FNDC9: variants seen among roughly 807,000 people sequenced by gnomAD.
FNDC9 encodes the protein fibronectin type III domain-containing protein 9.
In FNDC9, 3 loss-of-function variants were observed where a neutral mutation model predicts 9.0. That is an observed-to-expected ratio of 0.33 (90% CI 0.15 to 0.86). The LOEUF is 0.86. Ranked by LOEUF, FNDC9 falls within the 40% of genes least tolerant of loss-of-function variation. The pLI is 0.53. For synonymous variants in FNDC9, 114 were observed against 115.6 expected (o/e 0.99, Z 0.09); for missense variants, 279 against 287.2 (o/e 0.97, Z 0.21).
chr5:157,342,864 AT>A lies in FNDC9; in HGVS notation c.672del (p.Glu224AspfsTer12). On this transcript the variant is annotated frameshift_variant, in exon 2 of 2. Transcript: ENST00000312349. LOFTEE classifies it high-confidence loss of function. ...DPPAILPHCG[E>X] ...TGCGGGCGCTCTCCTCCCCACTCTC[AT>A]TCCCCACAATGAGGCAGTATAGCGG... The A allele has an allele frequency of 6.2e-7, 1 of 1,609,334 alleles. No homozygotes were observed. The highest frequency in any genetic ancestry group is 1.1e-5 in the South Asian group (1 of 90,554).
chr5:157,342,705 G>A lies in FNDC9; in HGVS notation c.*157C>T, dbSNP rs757399620. 105 of 703,736 alleles carry A rather than the reference G, an allele frequency of 1.5e-4. No homozygotes were observed. The highest frequency in any genetic ancestry group is 2.1e-4 in the Non-Finnish European group (96 of 446,702). The allele number at this position is 703,736 out of a possible 1,614,324, so 43.6% of individuals were successfully genotyped here. A position where few individuals can be genotyped will look rare whatever the true frequency, so the allele number is the denominator to read the frequency against. On this transcript the variant is annotated 3_prime_UTR_variant, in exon 2 of 2. Coordinates refer to ENST00000312349, the MANE Select transcript of FNDC9 (RefSeq NM_001001343.4). ...CTGGGGGATACATTTTCCAGCTTGA[G>A]AAGCTTTGTCATGGGGCATTCATCC...
At position 157,342,609 on chromosome 5, in the gene FNDC9, C is replaced by T. The variant is rs73815844; in HGVS notation, c.*253G>A. 1,525 of 417,666 alleles carry T rather than the reference C, an allele frequency of 3.7e-3. 27 individuals carry two copies. Among genetic ancestry groups the T allele is most frequent in the African/African-American group, 0.028 (1,407 of 50,766 alleles). 25.9% of individuals were successfully genotyped at this position (417,666 alleles called of 1,614,324 possible). On this transcript the variant is annotated 3_prime_UTR_variant, in exon 2 of 2. Coordinates refer to ENST00000312349, the MANE Select transcript of FNDC9 (RefSeq NM_001001343.4). ...TGTTTGTTTTAATGTTAAAACAATGCTTTCAATTCTTAACTGTGTCCTCCG... is the reference window on the plus strand; with the variant it reads ...TGTTTGTTTTAATGTTAAAACAATGTTTTCAATTCTTAACTGTGTCCTCCG...
In FNDC9 at chr5:157,342,720, G is replaced by T; in HGVS notation, c.*142C>A. Reference sequence around the variant, plus strand: ...TCCAGCTTGAGAAGCTTTGTCATGGGGCATTCATCCAACCCAGGTGACCTA... The same window carrying T: ...TCCAGCTTGAGAAGCTTTGTCATGGTGCATTCATCCAACCCAGGTGACCTA... On this transcript the variant is annotated 3_prime_UTR_variant, in exon 2 of 2. Transcript: ENST00000312349. 1 of 804,156 alleles carries T rather than the reference G, an allele frequency of 1.2e-6. No homozygotes were observed. The highest frequency in any genetic ancestry group is 1.9e-6 in the Non-Finnish European group (1 of 530,042). The allele number at this position is 804,156 out of a possible 1,614,324, so 49.8% of individuals were successfully genotyped here.
chr5:157,343,614 C>G (rs528021109), intron 1 of FNDC9, 71 bp from the exon 2 acceptor site: 2 of 1,213,438 alleles, frequency 1.6e-6, no homozygotes, highest in Admixed American at 2.7e-5. Flanking sequence ...TCATAGCCAC[C>G]ATTTATTGCA....
In FNDC9 at chr5:157,344,377, C is replaced by G. The variant is rs182566007; in HGVS notation, c.-7-834G>C. 7.9e-5 allele frequency among the ~76,000 whole-genome samples: 12 copies of G among 152,278 alleles called. No homozygotes were observed. The East Asian group carries it at 2.3e-3, about 29-fold the overall frequency. On this transcript the variant is annotated intron_variant, in intron 1 of 1. Coordinates refer to ENST00000312349, the MANE Select transcript of FNDC9 (RefSeq NM_001001343.4). ...TCCTCTGAGCTAGATTCCCATTTTA[C>G]GGATGAGCAACCTGATGTCACACCG...
chr5:157,343,306 G>A lies in FNDC9; in HGVS notation c.231C>T (p.Ser77=). ...APSTLYFLCI[S]CKKAAFPYRH... is the part of the protein sequence containing the mutation. ...TGTAAGGGAAGGCAGCCTTCTTACAGCTGATGCACAGGAAGTAGAGAGTGG... is the reference window on the plus strand; with the variant it reads ...TGTAAGGGAAGGCAGCCTTCTTACAACTGATGCACAGGAAGTAGAGAGTGG... Residue 77 remains serine (S), a synonymous_variant, in exon 2 of 2, where the codon AGC becomes AGT. Coordinates refer to ENST00000312349, the MANE Select transcript of FNDC9 (RefSeq NM_001001343.4). 2 of 1,614,200 alleles carry A rather than the reference G, an allele frequency of 1.2e-6. No individual in the cohort carries two copies. The highest frequency in any genetic ancestry group is 1.7e-6 in the Non-Finnish European group (2 of 1,180,024).
Position 157,345,564 on chromosome 5 carries a change from T to G in FNDC9, c.-31A>C, listed in dbSNP as rs1355095702. 6.5e-6 allele frequency: 1 copy of G among 152,694 alleles called. No homozygotes were observed. The highest frequency in any genetic ancestry group is 6.5e-5 in the Admixed American group (1 of 15,288). The allele number at this position is 152,694 out of a possible 1,614,324, so 9.5% of individuals were successfully genotyped here. A position where few individuals can be genotyped will look rare whatever the true frequency, so the allele number is the denominator to read the frequency against. On this transcript the variant is annotated 5_prime_UTR_variant, in exon 1 of 2. Transcript: ENST00000312349. Reference sequence around the variant, plus strand: ...ACCTGATGCTTGCAGCGTGTCTGGTTAGAGCTCTGCCCTCCGAGGTGCAGT... The same window carrying G: ...ACCTGATGCTTGCAGCGTGTCTGGTGAGAGCTCTGCCCTCCGAGGTGCAGT...
intron 1 of FNDC9, among the ~76,000 whole-genome samples, chr5:157,344,577 AAG>A (rs1435536937): frequency 6.6e-6 from 1 of 152,194 alleles, no homozygotes; most frequent in Admixed American, 6.5e-5. Flanking sequence ...CCGCTTTGAT[AAG>A]AGAGAGCCAT....
At chr5:157,343,657 T>C in intron 1 of FNDC9, 114 bp from the exon 2 acceptor site, 2 of 837,758 alleles carry the variant, frequency 2.4e-6, no homozygotes, top group East Asian at 5.4e-5. Context: ...TGCCCTCATC[T>C]TACAGACAAA....
intron 1 of FNDC9, among the ~76,000 whole-genome samples, chr5:157,344,161 C>T (rs555860448): frequency 2.2e-4 from 34 of 152,220 alleles, no homozygotes; most frequent in African/African-American, 7.2e-4. Flanking sequence ...TCAAAGCCAG[C>T]GGTACCAGGA....
rs1762445537 is a variant in FNDC9 at position 157,343,447 on chromosome 5, A to G, written c.90T>C (p.Ile30=). The part of the protein sequence containing the change: ...SEPCLEDYYH[I]MYRPNWNSIF... ...TGCTGTTCCAGTTGGGCCTGTACATAATATGGTAATAGTCCTCCAGGCAGG... is the reference window on the plus strand; with the variant it reads ...TGCTGTTCCAGTTGGGCCTGTACATGATATGGTAATAGTCCTCCAGGCAGG... Residue 30 remains isoleucine, a synonymous_variant, in exon 2 of 2, where the codon ATT becomes ATC. Coordinates refer to ENST00000312349, the MANE Select transcript of FNDC9 (RefSeq NM_001001343.4). The G allele has an allele frequency of 6.2e-7, 1 of 1,614,030 alleles. No individual in the cohort carries two copies. The highest frequency in any genetic ancestry group is 8.5e-7 in the Non-Finnish European group (1 of 1,179,914).
At position 157,343,251 on chromosome 5, in the gene FNDC9, C is replaced by T; in HGVS notation, c.286G>A (p.Asp96Asn). 2 of 1,614,188 alleles carry T rather than the reference C, an allele frequency of 1.2e-6. No homozygotes were observed. Among genetic ancestry groups the T allele is most frequent in the Non-Finnish European group, 1.7e-6 (2 of 1,180,026 alleles). ...CTTCCAGGAGCCAGCGGACTCTTAT[C>T]CAGGGTGTGGAACATGGTGCAGTAG... is the stretch of plus-strand genomic sequence containing the variant. ...RHYCTMFHTL[D>N]KSPLAPGSSL... Residue 96 changes from aspartate to asparagine, a missense_variant, in exon 2 of 2, where the codon GAT (aspartate) becomes AAT (asparagine). Asp to Asn is a conservative substitution (Grantham distance 23, BLOSUM62 1). Coordinates refer to ENST00000312349, the MANE Select transcript of FNDC9 (RefSeq NM_001001343.4).
chr5:157,342,911 T>C lies in FNDC9; in HGVS notation c.626A>G (p.Gln209Arg), dbSNP rs926724317. ...AGCGGGTGGGTCACCACCCCCCCTCTGTAAGGCACCCGCATCAGGGGCATC... is the reference window on the plus strand; with the variant it reads ...AGCGGGTGGGTCACCACCCCCCCTCCGTAAGGCACCCGCATCAGGGGCATC... ...NQDAPDAGALQRGGGDPPAIL... is the reference protein window; with the variant it reads ...NQDAPDAGALRRGGGDPPAIL... The change falls in exon 2 of 2, where the codon CAG becomes CGG. Residue 209 changes from glutamine to arginine, a missense_variant. Transcript: ENST00000312349. The C allele has an allele frequency of 1.9e-6, 3 of 1,614,144 alleles. No individual in the cohort carries two copies. Among genetic ancestry groups the C allele is most frequent in the South Asian group, 2.2e-5 (2 of 91,082 alleles).
At position 157,343,515 on chromosome 5, in the gene FNDC9, T is replaced by C. The variant is rs773024800; in HGVS notation, c.22A>G (p.Ile8Val). 5 of 1,575,752 alleles carry C rather than the reference T, an allele frequency of 3.2e-6. No homozygotes were observed. Among genetic ancestry groups the C allele is most frequent in the Non-Finnish European group, 4.3e-6 (5 of 1,156,248 alleles). Residue 8 changes from isoleucine to valine, a missense_variant, in exon 2 of 2, where the codon ATT becomes GTT. By Grantham distance (29) the Ile-to-Val change is conservative (BLOSUM62 3). Coordinates refer to ENST00000312349, the MANE Select transcript of FNDC9 (RefSeq NM_001001343.4). ...GAGATGATGGCTCCTGTATAAGAAA[T>C]GTTCCCCACCTCGATGTTCATCCCG... MNIEVGN[I>V]SYTGAIISWS...
intron 1 of FNDC9, among the ~76,000 whole-genome samples, chr5:157,344,764 A>T (rs572017748): frequency 6.6e-6 from 1 of 152,264 alleles, no homozygotes; most frequent in African/African-American, 2.4e-5. Flanking sequence ...GGTTGCAGTG[A>T]CATAGTAAAC....
At chr5:157,344,590 C>T (rs1040241094) in intron 1 of FNDC9, among the ~76,000 whole-genome samples, 2 of 152,208 alleles carry the variant, frequency 1.3e-5, no homozygotes, top group Non-Finnish European at 2.9e-5. Flanking sequence ...AGAGAGCCAT[C>T]TTCAAGTATT....
At chr5:157,344,574 G>A (rs35669629) in intron 1 of FNDC9, among the ~76,000 whole-genome samples, 1 of 152,176 alleles carries the variant, frequency 6.6e-6, no homozygotes, top group African/African-American at 2.4e-5. Flanking sequence ...GCCCCGCTTT[G>A]ATAAGAGAGA....
chr5:157,344,569 G>A (rs1176515427), intron 1 of FNDC9, among the ~76,000 whole-genome samples: 7 of 152,114 alleles, frequency 4.6e-5, no homozygotes, highest in Non-Finnish European at 5.9e-5. Context: ...GCCAGGCCCC[G>A]CTTTGATAAG....
In FNDC9 at chr5:157,341,694, G is replaced by A. The variant is rs942740309; in HGVS notation, c.*1168C>T. The stretch of plus-strand genomic sequence containing the variant: ...AATGCATGAGGTAGGCAAGGGAATA[G>A]GGATGTGGGGCTTCTCGTCTTGGCT... On this transcript the variant is annotated 3_prime_UTR_variant, in exon 2 of 2. Coordinates refer to ENST00000312349, the MANE Select transcript of FNDC9 (RefSeq NM_001001343.4). 6.9e-5 allele frequency: 11 copies of A among 158,438 alleles called. No individual in the cohort carries two copies. The highest frequency in any genetic ancestry group is 4.9e-4 in the Admixed American group (8 of 16,492). 9.8% of individuals were successfully genotyped at this position (158,438 alleles called of 1,614,324 possible).
Sources: gnomAD v4.1 joint callset for allele counts (sites outside exome capture counted in the v4.1 genomes callset) on GRCh38, gnomAD v4.1.1 for gene constraint, MANE v1.5 for transcripts, NCBI Gene and HGNC (gene_info 2026-07-23, HGNC 2026-07-21) for gene names.